The following ZNF704 variants were observed in gnomAD, a reference collection of about 807,000 sequenced individuals.
ZNF704 encodes glucocorticoid induced gene 1.
In ZNF704, 10 loss-of-function variants were observed where a neutral mutation model predicts 44.7. That is an observed-to-expected ratio of 0.22 (90% confidence interval 0.14 to 0.38). ZNF704 has a LOEUF of 0.38. ZNF704 is among the 10% of genes least tolerant of loss of function. The pLI, the probability that ZNF704 is intolerant of heterozygous loss-of-function variation, is 1.00. For missense variants in ZNF704, 390 were observed against 545.5 expected (o/e 0.71, Z 2.84); for synonymous variants, 211 against 207.6 (o/e 1.02, Z -0.14).
chr8:80,857,448 C>T (rs2130024504), intron 1 of ZNF704, among the ~76,000 whole-genome samples: 1 of 152,190 alleles, frequency 6.6e-6, no homozygotes, highest in Non-Finnish European at 1.5e-5. Context: ...TTGTCAAATG[C>T]TTGTTTATGC....
chr8:80,663,078 C>A (rs746664818), intron 6 of ZNF704, among the ~76,000 whole-genome samples: 13 of 151,964 alleles, frequency 8.6e-5, no homozygotes, highest in Non-Finnish European at 1.8e-4. Context: ...AAAAACAAAT[C>A]AACATTTAAA....
At chr8:80,647,326 A>G (rs937085952) in intron 7 of ZNF704, among the ~76,000 whole-genome samples, 4 of 152,206 alleles carry the variant, frequency 2.6e-5, no homozygotes, top group African/African-American at 9.6e-5. Flanking sequence ...AAGGCACTGC[A>G]GAAAAAGGGG....
At position 80,709,319 on chromosome 8, in the gene ZNF704, G is replaced by A. The variant is rs13282607; in HGVS notation, c.222-16212C>T. ...ATTAGCCGAGCATGGTGGCGGGCGC[G>A]TGTAGTCCCAGCTACTCAGGAGGCT... is the stretch of plus-strand genomic sequence containing the variant. On this transcript the variant is annotated intron_variant, in intron 2 of 8. Coordinates refer to ENST00000327835, the MANE Select transcript of ZNF704 (RefSeq NM_001033723.3). 3.6e-4 allele frequency among the ~76,000 whole-genome samples: 55 copies of A among 151,452 alleles called. 1 individual carries two copies. In the South Asian group the frequency reaches 0.011, roughly 31 times the overall value.
intron 7 of ZNF704, among the ~76,000 whole-genome samples, chr8:80,651,128 T>C (rs1004356128): frequency 6.6e-6 from 1 of 152,204 alleles, no homozygotes; most frequent in African/African-American, 2.4e-5. Context: ...AGAGATTTTG[T>C]CACCACCAGG....
intron 2 of ZNF704, among the ~76,000 whole-genome samples, chr8:80,720,985 C>A (rs1405579488): frequency 6.6e-6 from 1 of 152,214 alleles, no homozygotes; most frequent in Admixed American, 6.5e-5. Context: ...CAGAGTAGCA[C>A]AACCGCCAGG....
At chr8:80,766,142 T>G (rs1807223558) in intron 2 of ZNF704, among the ~76,000 whole-genome samples, 2 of 152,206 alleles carry the variant, frequency 1.3e-5, no homozygotes, top group Non-Finnish European at 2.9e-5. Flanking sequence ...TAGTGGGTCT[T>G]TATCTTATGT....
At chr8:80,741,788 T>G (rs548113259) in intron 2 of ZNF704, among the ~76,000 whole-genome samples, 1 of 152,242 alleles carries the variant, frequency 6.6e-6, no homozygotes, top group Admixed American at 6.5e-5. Flanking sequence ...CAACCTCAAC[T>G]TGTATACTGA....
chr8:80,865,342 C>A (rs1374847543), intron 1 of ZNF704, among the ~76,000 whole-genome samples: 1 of 152,144 alleles, frequency 6.6e-6, no homozygotes, highest in Non-Finnish European at 1.5e-5. Flanking sequence ...AGCCATGCAA[C>A]AAGTGAGTGG....
At chr8:80,733,375 C>T (rs1185855383) in intron 2 of ZNF704, among the ~76,000 whole-genome samples, 1 of 152,150 alleles carries the variant, frequency 6.6e-6, no homozygotes, top group African/African-American at 2.4e-5. Flanking sequence ...TATATAAAAT[C>T]TGTAGAAATA....
At chr8:80,751,851 G>A (rs555590944) in intron 2 of ZNF704, among the ~76,000 whole-genome samples, 2 of 152,276 alleles carry the variant, frequency 1.3e-5, no homozygotes, top group African/African-American at 4.8e-5. Flanking sequence ...GGGTTCAAGC[G>A]ATTCTCAGCC....
intron 2 of ZNF704, among the ~76,000 whole-genome samples, chr8:80,744,924 G>A (rs1432922258): frequency 6.6e-6 from 1 of 152,128 alleles, no homozygotes; most frequent in African/African-American, 2.4e-5. Context: ...AAATTGCTAT[G>A]AGAAAATGAA....
chr8:80,828,495 T>G (rs1808417153), intron 1 of ZNF704, among the ~76,000 whole-genome samples: 2 of 152,152 alleles, frequency 1.3e-5, no homozygotes, highest in South Asian at 4.1e-4. Context: ...TATTTCAAAA[T>G]ATGCACAATC....
At chr8:80,878,253 A>G (rs1026483493), upstream of ZNF704, among the ~76,000 whole-genome samples, 63 of 140,150 alleles carry the variant, frequency 4.5e-4, no homozygotes, top group South Asian at 1.2e-3. Flanking sequence ...AAAGAGAAAG[A>G]AAGGAAGGAA....
chr8:80,750,512 C>CT (rs61550571), intron 2 of ZNF704, among the ~76,000 whole-genome samples: 4,887 of 147,076 alleles, frequency 0.033, 262 homozygotes, highest in African/African-American at 0.11. Flanking sequence ...GTACTTTAAA[C>CT]TTTTTTTTTT....
chr8:80,661,440 G>C (rs1818100149), intron 6 of ZNF704, among the ~76,000 whole-genome samples: 1 of 152,070 alleles, frequency 6.6e-6, no homozygotes, highest in South Asian at 2.1e-4. Context: ...TCTCACTACT[G>C]GGTATTTATC....
In ZNF704 at chr8:80,635,693, T is replaced by TA. The variant is rs1298990890; in HGVS notation, c.*5672dup. 3 of 152,260 alleles carry TA rather than the reference T, an allele frequency of 2.0e-5. No homozygotes were observed. The highest frequency in any genetic ancestry group is 7.2e-5 in the African/African-American group (3 of 41,474). 9.4% of individuals were successfully genotyped at this position (152,260 alleles called of 1,614,324 possible). A position where few individuals can be genotyped will look rare whatever the true frequency, so the allele number is the denominator to read the frequency against. ...ATAAGAATATTTCTCCCATGGCCTA[T>TA]AAGCATACCTGTTAACACTTTTTAG... is the stretch of plus-strand genomic sequence containing the variant. On this transcript the variant is annotated 3_prime_UTR_variant, in exon 9 of 9. Coordinates refer to ENST00000327835, the MANE Select transcript of ZNF704 (RefSeq NM_001033723.3).
the ZNF704 span, among the ~76,000 whole-genome samples, chr8:80,883,788 A>G: frequency 6.6e-6 from 1 of 152,164 alleles, no homozygotes; most frequent in Non-Finnish European, 1.5e-5. Flanking sequence ...ATTTTTAACA[A>G]CTCTCATTTA....
At chr8:80,662,440 A>C (rs1818116847) in intron 6 of ZNF704, among the ~76,000 whole-genome samples, 1 of 152,202 alleles carries the variant, frequency 6.6e-6, no homozygotes, top group Non-Finnish European at 1.5e-5. Context: ...AAAATGATTT[A>C]ACTAAGTTAG....
chr8:80,846,525 G>C (rs1303394533), intron 1 of ZNF704, among the ~76,000 whole-genome samples: 2 of 152,040 alleles, frequency 1.3e-5, no homozygotes, highest in African/African-American at 2.4e-5. Flanking sequence ...TTAAAGTCAA[G>C]CAACAGTCTT....
Sources: gnomAD v4.1 joint callset for allele counts (sites outside exome capture counted in the v4.1 genomes callset) on GRCh38, gnomAD v4.1.1 for gene constraint, MANE v1.5 for transcripts, NCBI Gene and HGNC (gene_info 2026-07-23, HGNC 2026-07-21) for gene names.